Variants in UGCG observed in about 807,000 individuals in gnomAD.
UGCG encodes the protein UDP-glucose ceramide glucosyltransferase, also known as ceramide glucosyltransferase.
UGCG carries 10 observed loss-of-function variants against 49.5 expected under a neutral mutation model. The ratio of observed to expected loss-of-function variants is 0.20; its 90% CI spans 0.12 to 0.34. The LOEUF (loss-of-function observed/expected upper bound fraction) is 0.34. Among genes scored for constraint, UGCG ranks in the 10% least tolerant of loss-of-function variants. The pLI is 1.00. For synonymous variants in UGCG, 182 were observed against 158.2 expected (o/e 1.15, Z -1.13); for missense variants, 312 against 483.7 (o/e 0.65, Z 3.33).
At chr9:111,898,304 C>T (rs1023366208) in intron 1 of UGCG, among the ~76,000 whole-genome samples, 1 of 151,624 alleles carries the variant, frequency 6.6e-6, no homozygotes, top group African/African-American at 2.4e-5. Context: ...GAGAAAAGAG[C>T]AATTGTATAT....
intron 2 of UGCG, among the ~76,000 whole-genome samples, chr9:111,917,262 A>G (rs1838128854): frequency 6.6e-6 from 1 of 152,266 alleles, no homozygotes; most frequent in Admixed American, 6.5e-5. Flanking sequence ...GGAGAAGTGC[A>G]AAGTACCTGC....
intron 1 of UGCG, among the ~76,000 whole-genome samples, chr9:111,910,618 G>A (rs1274936032): frequency 6.6e-6 from 1 of 152,090 alleles, no homozygotes; most frequent in Non-Finnish European, 1.5e-5. Flanking sequence ...CATATTATTT[G>A]TGGTCATATA....
intron 1 of UGCG, among the ~76,000 whole-genome samples, chr9:111,899,785 T>C (rs1482214796): frequency 6.6e-6 from 1 of 152,208 alleles, no homozygotes; most frequent in Non-Finnish European, 1.5e-5. Context: ...TACTTCGTTA[T>C]ATGAGAGCTA....
chr9:111,899,725 T>C (rs1321350270), intron 1 of UGCG, among the ~76,000 whole-genome samples: 1 of 152,158 alleles, frequency 6.6e-6, no homozygotes, highest in Non-Finnish European at 1.5e-5. Context: ...TTCCTCTTAG[T>C]ATTTTTTTCT....
intron 1 of UGCG, among the ~76,000 whole-genome samples, chr9:111,913,040 A>G (rs1433454053): frequency 6.6e-6 from 1 of 152,162 alleles, no homozygotes; most frequent in Non-Finnish European, 1.5e-5. Flanking sequence ...GTCCCTCCAG[A>G]AGTCTTTCCC....
intron 1 of UGCG, among the ~76,000 whole-genome samples, chr9:111,900,617 T>C (rs779112492): frequency 9.9e-5 from 15 of 152,228 alleles, no homozygotes; most frequent in African/African-American, 3.4e-4. Context: ...TTCAGCTTCC[T>C]AAGTAGCTCC....
intron 3 of UGCG, among the ~76,000 whole-genome samples, chr9:111,923,753 C>T (rs995587912): frequency 7.9e-5 from 12 of 152,266 alleles, no homozygotes; most frequent in Middle Eastern, 3.4e-3. Context: ...CTGCTTCAGC[C>T]TCCTGAGCAG....
intron 3 of UGCG, 37 bp from the exon 4 acceptor site, chr9:111,924,740 G>A: frequency 9.0e-7 from 1 of 1,108,200 alleles, no homozygotes; most frequent in Non-Finnish European, 1.3e-6. Flanking sequence ...TTTTAATGTT[G>A]CATAAATCTT....
At chr9:111,908,401 A>G (rs1837931877) in intron 1 of UGCG, among the ~76,000 whole-genome samples, 1 of 152,240 alleles carries the variant, frequency 6.6e-6, no homozygotes, top group Non-Finnish European at 1.5e-5. Context: ...AAGTCAGGAC[A>G]GTGAGTACCC....
At chr9:111,919,808 A>G (rs564923169) in intron 2 of UGCG, among the ~76,000 whole-genome samples, 6 of 151,972 alleles carry the variant, frequency 3.9e-5, no homozygotes, top group Middle Eastern at 3.4e-3. Flanking sequence ...AAAAAAAAAA[A>G]AAAAGAAACT....
chr9:111,928,746 A>G (rs1689804896), intron 5 of UGCG, among the ~76,000 whole-genome samples: 1 of 152,202 alleles, frequency 6.6e-6, no homozygotes, highest in African/African-American at 2.4e-5. Flanking sequence ...TCTTTATTTC[A>G]GGCTAATTAG....
intron 1 of UGCG, among the ~76,000 whole-genome samples, chr9:111,910,790 C>T (rs575912810): frequency 1.3e-5 from 2 of 152,174 alleles, no homozygotes; most frequent in South Asian, 2.1e-4. Context: ...CTGTTGCCCA[C>T]GCTGAAGTGC....
chr9:111,901,096 G>A (rs924118457), intron 1 of UGCG, among the ~76,000 whole-genome samples: 10 of 152,150 alleles, frequency 6.6e-5, no homozygotes, highest in Non-Finnish European at 2.9e-5. Flanking sequence ...GATTACGGGC[G>A]TGAGCCACTG....
chr9:111,897,269 C>A lies in UGCG; in HGVS notation c.54C>A (p.Leu18=). The A allele has an allele frequency of 1.3e-6, 2 of 1,560,840 alleles. No homozygotes were observed. Among genetic ancestry groups the A allele is most frequent in the Non-Finnish European group, 1.7e-6 (2 of 1,152,704 alleles). The change falls in exon 1 of 9, where the codon CTC becomes CTA. Residue 18 remains leucine, a synonymous_variant. Coordinates refer to ENST00000374279, the MANE Select transcript of UGCG (RefSeq NM_003358.3). ...GAATGGCCGTCTTCGGGTTCGTCCTCTTCTTGGTGCTGTGGCTGATGCATT... is the reference window on the plus strand; with the variant it reads ...GAATGGCCGTCTTCGGGTTCGTCCTATTCTTGGTGCTGTGGCTGATGCATT... ...LEGMAVFGFV[L]FLVLWLMHFM...
intron 2 of UGCG, among the ~76,000 whole-genome samples, chr9:111,922,440 A>G (rs745577439): frequency 6.6e-6 from 1 of 152,188 alleles, no homozygotes; most frequent in Non-Finnish European, 1.5e-5. Context: ...AAGCTTCTAG[A>G]GAGAGGTTGT....
chr9:111,923,190 G>A (rs1264796294), intron 3 of UGCG, among the ~76,000 whole-genome samples: 2 of 151,892 alleles, frequency 1.3e-5, no homozygotes, highest in Non-Finnish European at 2.9e-5. Flanking sequence ...CAGACATGAG[G>A]GTCTGTTATT....
At chr9:111,931,554 G>A (rs1415213756) in intron 7 of UGCG, among the ~76,000 whole-genome samples, 197 bp downstream of exon 7, 1 of 152,154 alleles carries the variant, frequency 6.6e-6, no homozygotes, top group Non-Finnish European at 1.5e-5. Context: ...GTATAACACT[G>A]AAAGCACTCA....
intron 2 of UGCG, among the ~76,000 whole-genome samples, chr9:111,918,112 G>A (rs1589523859): frequency 6.6e-6 from 1 of 152,024 alleles, no homozygotes; most frequent in East Asian, 1.9e-4. Flanking sequence ...CACAATCTCG[G>A]CTCACTGCCA....
Position 111,925,189 on chromosome 9 carries a change from G to T in UGCG, c.445+311G>T, listed in dbSNP as rs191324709. ...GGTGTAACTTTTCCCTTGTTTGCCT[G>T]ACACTTATCTTTAATGTGTTTCGGC... On this transcript the variant is annotated intron_variant, in intron 4 of 8. Coordinates refer to ENST00000374279, the MANE Select transcript of UGCG (RefSeq NM_003358.3). 2.4e-4 allele frequency among the ~76,000 whole-genome samples: 37 copies of T among 152,220 alleles called. No homozygotes were observed. The East Asian group carries it at 7.1e-3, about 29-fold the overall frequency.
Sources: allele counts gnomAD v4.1 joint callset (sites outside exome capture counted in the v4.1 genomes callset), GRCh38; gene constraint gnomAD v4.1.1; transcripts MANE v1.5; gene names NCBI Gene and HGNC (gene_info 2026-07-23, HGNC 2026-07-21).